Variants in FAM169A observed in about 807,000 individuals in gnomAD.
FAM169A encodes the protein soluble lamin-associated protein of 75 kDa.
A neutral mutation model predicts 75.7 loss-of-function variants in FAM169A; 24 were observed. That is an observed-to-expected ratio of 0.32 (90% CI 0.23 to 0.45). FAM169A has a LOEUF of 0.45. Ranked by LOEUF, FAM169A falls within the 20% of genes least tolerant of loss-of-function variation. The probability of loss-of-function intolerance (pLI) is 1.00; values close to 1 mark genes in which losing one functional copy is unlikely to be tolerated. For missense variants in FAM169A, 673 were observed against 784.0 expected, an observed-to-expected ratio of 0.86 and a Z score of 1.69; for synonymous variants, 271 against 271.0, an observed-to-expected ratio of 1.00 and a Z score of 0.00.
chr5:74,817,992 T>A (rs1187117112), intron 5 of FAM169A, among the ~76,000 whole-genome samples: 1 of 152,194 alleles, frequency 6.6e-6, no homozygotes, highest in South Asian at 2.1e-4. Flanking sequence ...TAGAATCATA[T>A]ACAAATTTTA....
chr5:74,827,167 C>T (rs541027458), intron 5 of FAM169A, among the ~76,000 whole-genome samples: 1 of 152,188 alleles, frequency 6.6e-6, no homozygotes, highest in East Asian at 1.9e-4. Context: ...AACATGGTAC[C>T]TGCCAGGTTT....
rs776775499 is a variant in FAM169A, at chr5:74,804,592, A to G, written c.813T>C (p.Asn271=). ...CTCCAGACATAGGTCTTTTAGGTTC[A>G]TTTTGAGAAAGTGCTGCGTATAGAA... ...EALKILALSQ[N]EPKRPMSGEY... is the part of the protein sequence containing the mutation. Residue 271 remains asparagine, a synonymous_variant, in exon 8 of 13, where the codon AAT becomes AAC. Transcript: ENST00000687041. 2.5e-6 allele frequency: 4 copies of G among 1,601,672 alleles called. No homozygotes were observed. In the Admixed American group the frequency reaches 6.8e-5, roughly 27 times the overall value.
At chr5:74,815,786 A>G (rs1162880984) in intron 5 of FAM169A, among the ~76,000 whole-genome samples, 1 of 152,182 alleles carries the variant, frequency 6.6e-6, no homozygotes, top group Admixed American at 6.5e-5. Context: ...TGGCAATGAG[A>G]GTGACCTCTG....
Position 74,839,775 on chromosome 5 carries a change from C to T in FAM169A, c.232+299G>A, listed in dbSNP as rs760574583. ...CTGACCTCAGGTGATCCACCCACCT[C>T]GACCTCCCAAAGTGCTAGGATTACA... On this transcript the variant is annotated intron_variant, in intron 3 of 12. Coordinates refer to ENST00000687041, the MANE Select transcript of FAM169A (RefSeq NM_001376049.1). 3.9e-5 allele frequency among the ~76,000 whole-genome samples: 6 copies of T among 152,040 alleles called. No individual in the cohort carries two copies. The East Asian group carries it at 5.8e-4, about 15-fold the overall frequency.
chr5:74,845,411 A>G (rs1253783938), intron 1 of FAM169A, among the ~76,000 whole-genome samples: 3 of 152,078 alleles, frequency 2.0e-5, no homozygotes, highest in Non-Finnish European at 4.4e-5. Flanking sequence ...CCAGCTACTC[A>G]AGAGGCTGAG....
chr5:74,827,752 T>G (rs1319857863), intron 5 of FAM169A, among the ~76,000 whole-genome samples: 1 of 150,736 alleles, frequency 6.6e-6, no homozygotes, highest in African/African-American at 2.4e-5. Flanking sequence ...AACCTCCACC[T>G]CCCGGGTTAA....
intron 2 of FAM169A, among the ~76,000 whole-genome samples, chr5:74,840,686 G>A (rs1438385364): frequency 3.3e-5 from 5 of 151,544 alleles, no homozygotes; most frequent in African/African-American, 7.3e-5. Context: ...AAAATTAGCC[G>A]GGCATGGTGG....
chr5:74,859,765 C>G (rs768425266), intron 1 of FAM169A, among the ~76,000 whole-genome samples: 7 of 152,100 alleles, frequency 4.6e-5, no homozygotes, highest in Non-Finnish European at 7.4e-5. Flanking sequence ...TGCCTATAAT[C>G]CCAGCACTTT....
At chr5:74,847,089 C>A (rs1023224057) in intron 1 of FAM169A, among the ~76,000 whole-genome samples, 1 of 152,122 alleles carries the variant, frequency 6.6e-6, no homozygotes, top group Non-Finnish European at 1.5e-5. Flanking sequence ...TAACAAAAAA[C>A]CAAAACGCAT....
chr5:74,847,133 T>C (rs62366456), intron 1 of FAM169A, among the ~76,000 whole-genome samples: 12,998 of 152,252 alleles, frequency 0.085, 687 homozygotes, highest in Admixed American at 0.17. Context: ...CCTTTTATAA[T>C]TGTGGTAAAA....
At chr5:74,832,875 G>T (rs1344953037) in intron 5 of FAM169A, among the ~76,000 whole-genome samples, 1 of 151,922 alleles carries the variant, frequency 6.6e-6, no homozygotes, top group Non-Finnish European at 1.5e-5. Flanking sequence ...AACTAAAATA[G>T]TAAAGATGTA....
chr5:74,805,419 T>G, intron 6 of FAM169A, 135 bp from the exon 7 acceptor site: 1 of 563,534 alleles, frequency 1.8e-6, no homozygotes, highest in African/African-American at 1.9e-5. Flanking sequence ...GCAACACAAC[T>G]CAAGTATACA....
intron 8 of FAM169A, among the ~76,000 whole-genome samples, chr5:74,803,722 A>G (rs892000848): frequency 3.9e-5 from 6 of 152,166 alleles, no homozygotes; most frequent in Admixed American, 3.9e-4. Context: ...AGTCCTGTGG[A>G]GTTTGGTAAC....
chr5:74,805,976 C>CA (rs370761667), intron 6 of FAM169A, among the ~76,000 whole-genome samples: 7,238 of 85,124 alleles, frequency 0.085, 272 homozygotes, highest in African/African-American at 0.13. Context: ...TTAAAAGCTC[C>CA]AAAAAAAAAA....
intron 1 of FAM169A, among the ~76,000 whole-genome samples, chr5:74,854,418 TAA>T (rs1749603679): frequency 2.6e-5 from 4 of 152,024 alleles, no homozygotes; most frequent in South Asian, 2.1e-4. Flanking sequence ...ATAATAATAA[TAA>T]TCACATCCAT....
Position 74,860,999 on chromosome 5 carries a change from T to C in FAM169A, c.-4+5166A>G, listed in dbSNP as rs373011788. Among the ~76,000 whole-genome samples, 5 of 152,116 alleles carry C rather than the reference T, an allele frequency of 3.3e-5. No homozygotes were observed. The East Asian group carries it at 5.8e-4, about 18-fold the overall frequency. On this transcript the variant is annotated intron_variant, in intron 1 of 12. Coordinates refer to ENST00000687041, the MANE Select transcript of FAM169A (RefSeq NM_001376049.1). ...AAAAAGTACAAAAATTAGCCAGGCA[T>C]AGCGGCGTGCATCTGCAATCCCAGC...
chr5:74,795,331 T>C (rs909452976), intron 11 of FAM169A, among the ~76,000 whole-genome samples: 1 of 152,028 alleles, frequency 6.6e-6, no homozygotes, highest in African/African-American at 2.4e-5. Context: ...GGCAAACAGC[T>C]GAAAGATTTT....
rs983141587 is a variant in FAM169A, at chr5:74,779,815, G to A, written c.*1645C>T. 7 of 152,076 alleles carry A rather than the reference G, an allele frequency of 4.6e-5. No individual in the cohort carries two copies. The highest frequency in any genetic ancestry group is 1.9e-4 in the East Asian group (1 of 5,192). 9.4% of individuals were successfully genotyped at this position (152,076 alleles called of 1,614,324 possible). ...TCTGCTTTAAGATTTTAACTTGATC[G>A]AAAATACCAACATCCCCAAACAAAA... is the stretch of plus-strand genomic sequence containing the variant. On this transcript the variant is annotated 3_prime_UTR_variant, in exon 13 of 13. Transcript: ENST00000687041.
rs574558301 is a variant in FAM169A at position 74,800,410 on chromosome 5, GA to G, written c.1103+469del. Among the ~76,000 whole-genome samples the G allele has an allele frequency of 1.7e-3, 263 of 151,964 alleles. 3 individuals are homozygous for G. Among genetic ancestry groups the G allele is most frequent in the South Asian group, 0.012 (60 of 4,822 alleles). On this transcript the variant is annotated intron_variant, in intron 10 of 12. Coordinates refer to ENST00000687041, the MANE Select transcript of FAM169A (RefSeq NM_001376049.1). Reference sequence around the variant, plus strand: ...TAAATAAAAGAATTGAATGCGGGGGGAAAAAAACTGACTATATCTCAGCATT... The same window carrying G: ...TAAATAAAAGAATTGAATGCGGGGGGAAAAAACTGACTATATCTCAGCATT...
Sources: gnomAD v4.1 joint callset for allele counts (sites outside exome capture counted in the v4.1 genomes callset) on GRCh38, gnomAD v4.1.1 for gene constraint, MANE v1.5 for transcripts, NCBI Gene and HGNC (gene_info 2026-07-23, HGNC 2026-07-21) for gene names.